The following EDA variants were observed in gnomAD, a reference collection of about 807,000 sequenced individuals.
The protein encoded by EDA is ectodysplasin A.
In EDA, 2 loss-of-function variants were observed where a neutral mutation model predicts 23.6. The observed-to-expected ratio is 0.08, with a 90% CI of 0.03 to 0.27. EDA has a LOEUF of 0.27. Ranked by LOEUF, EDA falls within the 10% of genes least tolerant of loss-of-function variation. The pLI, the probability that EDA is intolerant of heterozygous loss-of-function variation, is 1.00. For missense variants in EDA, 229 were observed against 324.2 expected, an observed-to-expected ratio of 0.71 and a Z score of 2.26; for synonymous variants, 131 against 132.0, an observed-to-expected ratio of 0.99 and a Z score of 0.05.
In EDA at chrX:69,657,192, C is replaced by T. The variant is rs146301808; in HGVS notation, c.396+40488C>T. ...GCTTACTTTATAATAAAAGCTATTCCGATTGGTGTGAGATGATACCTTATT... is the reference window on the plus strand; with the variant it reads ...GCTTACTTTATAATAAAAGCTATTCTGATTGGTGTGAGATGATACCTTATT... On this transcript the variant is annotated intron_variant, in intron 1 of 7. Coordinates refer to ENST00000374552, the MANE Select transcript of EDA (RefSeq NM_001399.5). Among the ~76,000 whole-genome samples, 192 of 111,558 alleles carry T rather than the reference C, an allele frequency of 1.7e-3. 3 individuals carry two copies. The East Asian group carries it at 0.043, about 25-fold the overall frequency.
intron 1 of EDA, among the ~76,000 whole-genome samples, chrX:69,909,515 T>C (rs959147375): frequency 8.9e-6 from 1 of 112,311 alleles, no homozygotes; most frequent in Non-Finnish European, 1.9e-5. Context: ...GACAGGCTGG[T>C]GTGGAACTCC....
intron 1 of EDA, among the ~76,000 whole-genome samples, chrX:69,679,228 A>G (rs1406532728): frequency 9.4e-6 from 1 of 106,422 alleles, no homozygotes; most frequent in Admixed American, 1.0e-4. Context: ...GTTTGCCAGT[A>G]TTTTATTGAG....
At chrX:69,714,833 C>CT (rs2012251142) in intron 1 of EDA, among the ~76,000 whole-genome samples, 1 of 110,941 alleles carries the variant, frequency 9.0e-6, no homozygotes, top group Admixed American at 9.7e-5. Context: ...ATTCCTTCTC[C>CT]TTTTTTTCTC....
chrX:69,888,630 AAG>A (rs1346189995), intron 1 of EDA, among the ~76,000 whole-genome samples: 5 of 109,327 alleles, frequency 4.6e-5, no homozygotes, highest in African/African-American at 1.3e-4. Context: ...TGGAAACCAA[AAG>A]AGAGCAGGAG....
intron 1 of EDA, among the ~76,000 whole-genome samples, chrX:69,711,532 C>T (rs2012035492): frequency 1.8e-5 from 2 of 111,753 alleles, no homozygotes; most frequent in Non-Finnish European, 3.8e-5. Context: ...AGGATTCCCT[C>T]TTTTTCTATT....
At chrX:70,028,370 C>T (rs1345993359) in intron 4 of EDA, among the ~76,000 whole-genome samples, 1 of 111,931 alleles carries the variant, frequency 8.9e-6, no homozygotes, top group East Asian at 2.8e-4. Context: ...TGGTGGTTCA[C>T]AGGAGTTCCA....
chrX:69,926,057 T>C (rs902430119), intron 1 of EDA, among the ~76,000 whole-genome samples: 4 of 111,037 alleles, frequency 3.6e-5, no homozygotes, highest in African/African-American at 1.3e-4. Flanking sequence ...TTTTCTTCTT[T>C]ATTAGTCTAG....
chrX:70,011,322 T>G (rs1265780479), intron 2 of EDA, among the ~76,000 whole-genome samples: 4 of 110,201 alleles, frequency 3.6e-5, no homozygotes, highest in African/African-American at 1.3e-4. Context: ...AAAGCATTTT[T>G]GCATTTTCGC....
chrX:70,034,634 C>A (rs1231954899), intron 7 of EDA, among the ~76,000 whole-genome samples: 3 of 111,803 alleles, frequency 2.7e-5, no homozygotes, highest in African/African-American at 9.8e-5. Context: ...GTGGCCCATG[C>A]AGGCTGGGAA....
chrX:69,679,757 T>C (rs1468545567), intron 1 of EDA, among the ~76,000 whole-genome samples: 4 of 111,528 alleles, frequency 3.6e-5, no homozygotes, highest in African/African-American at 1.3e-4. Flanking sequence ...TTTGTTGATC[T>C]TTTCAAAAAC....
intron 1 of EDA, among the ~76,000 whole-genome samples, chrX:69,720,621 T>A (rs1383672341): frequency 2.7e-5 from 3 of 112,159 alleles, no homozygotes; most frequent in Non-Finnish European, 5.6e-5. Flanking sequence ...CTATCCTTTG[T>A]CATCTCCATT....
At chrX:69,839,586 G>T (rs957444081) in intron 1 of EDA, among the ~76,000 whole-genome samples, 5 of 112,320 alleles carry the variant, frequency 4.5e-5, no homozygotes, top group Middle Eastern at 4.2e-3. Flanking sequence ...ATAGTCAGTT[G>T]TCTACAGGCT....
At chrX:69,914,307 C>T (rs957634920) in intron 1 of EDA, among the ~76,000 whole-genome samples, 4 of 111,518 alleles carry the variant, frequency 3.6e-5, no homozygotes, top group African/African-American at 1.3e-4. Context: ...TGGAGCCATC[C>T]TGTAATATAT....
intron 2 of EDA, among the ~76,000 whole-genome samples, chrX:69,980,529 A>G (rs548547906): frequency 1.8e-5 from 2 of 112,586 alleles, no homozygotes; most frequent in East Asian, 5.6e-4. Context: ...ATACTTTTAC[A>G]TTTAAAAAAT....
intron 1 of EDA, among the ~76,000 whole-genome samples, chrX:69,684,171 G>T (rs1302801394): frequency 8.9e-6 from 1 of 111,968 alleles, no homozygotes; most frequent in Non-Finnish European, 1.9e-5. Flanking sequence ...TCATCATTAT[G>T]CTTTAATCAT....
chrX:69,728,145 T>G (rs1427598379), intron 1 of EDA, among the ~76,000 whole-genome samples: 1 of 108,724 alleles, frequency 9.2e-6, no homozygotes, highest in East Asian at 2.9e-4. Flanking sequence ...CTCGGGAGGC[T>G]GACGTGGGAG....
intron 1 of EDA, among the ~76,000 whole-genome samples, chrX:69,840,621 A>T (rs749735221): frequency 4.5e-5 from 5 of 111,877 alleles, no homozygotes; most frequent in African/African-American, 1.6e-4. Context: ...ATTTTTGTTA[A>T]GGGGAAAATA....
intron 2 of EDA, among the ~76,000 whole-genome samples, chrX:69,971,380 T>C (rs5936811): frequency 0.34 from 37,533 of 111,666 alleles, 4,624 homozygotes; most frequent in African/African-American, 0.4. Context: ...AGTTTATTAA[T>C]TTGGGAATGT....
chrX:69,723,257 T>C (rs2012659101), intron 1 of EDA, among the ~76,000 whole-genome samples: 2 of 112,251 alleles, frequency 1.8e-5, no homozygotes, highest in Admixed American at 1.9e-4. Flanking sequence ...GCCTTTCTGG[T>C]TAACCATCCA....
Sources: allele counts gnomAD v4.1 joint callset (sites outside exome capture counted in the v4.1 genomes callset), GRCh38; gene constraint gnomAD v4.1.1; transcripts MANE v1.5; gene names NCBI Gene and HGNC (gene_info 2026-07-23, HGNC 2026-07-21).